MYO1F: variants seen among roughly 807,000 people sequenced by gnomAD.
The protein encoded by MYO1F is myosin IF.
A neutral mutation model predicts 146.6 loss-of-function variants in MYO1F; 60 were observed. The observed-to-expected ratio is 0.41, with a 90% CI of 0.33 to 0.51. MYO1F has a LOEUF of 0.51. Among genes scored for constraint, MYO1F ranks in the 20% least tolerant of loss-of-function variants. The pLI is 0.25. For synonymous variants in MYO1F, 602 were observed against 602.1 expected, an observed-to-expected ratio of 1.00 and a Z score of 0.00; for missense variants, 1,274 against 1,534.3, an observed-to-expected ratio of 0.83 and a Z score of 2.83.
In MYO1F at chr19:8,560,888, G is replaced by A. The variant is rs373675796; in HGVS notation, c.4-5092C>T. On this transcript the variant is annotated intron_variant, in intron 1 of 27. Coordinates refer to ENST00000644032, the MANE Select transcript of MYO1F (RefSeq NM_012335.4). ...CGAGTAGCTGGGACTACAGGCGCCC[G>A]CCACCACGGCGGCTAATTTTTTGTA... 6.6e-5 allele frequency among the ~76,000 whole-genome samples: 10 copies of A among 152,036 alleles called. No individual in the cohort carries two copies. The South Asian group carries it at 8.3e-4, about 13-fold the overall frequency.
At chr19:8,547,983 T>G in intron 12 of MYO1F, 53 bp downstream of exon 12, 1 of 1,371,034 alleles carries the variant, frequency 7.3e-7, no homozygotes, top group Non-Finnish European at 1.0e-6. Flanking sequence ...TCATGGTCCT[T>G]CCACCCCACC....
chr19:8,574,579 CTCTCTCTCTCTCTCTCT>C (rs1568380932), intron 1 of MYO1F, among the ~76,000 whole-genome samples: 2,314 of 88,830 alleles, frequency 0.026, 46 homozygotes, highest in East Asian at 0.039. Flanking sequence ...TTCTTTCTTT[CTCTCTCTCTCTCTCTCT>C]CTTTCTTTCT....
chr19:8,531,026 A>C (rs1972466155), intron 19 of MYO1F, among the ~76,000 whole-genome samples: 1 of 151,882 alleles, frequency 6.6e-6, no homozygotes, highest in African/African-American at 2.4e-5. Context: ...CCTGGACAAC[A>C]AGAGTGAAAC....
At chr19:8,543,988 TGGTGGTGCTGGTGGTGGC>T (rs1205107006) in intron 14 of MYO1F, 237 of 326,700 alleles carry the variant, frequency 7.3e-4, no homozygotes, top group South Asian at 4.2e-3. Flanking sequence ...CTGGTGCTGG[TGGTGGTGCTGGTGGTGGC>T]GGTGGCGGTG....
At chr19:8,551,105 G>T (rs1973587013) in intron 8 of MYO1F, among the ~76,000 whole-genome samples, 1 of 151,122 alleles carries the variant, frequency 6.6e-6, no homozygotes, top group Non-Finnish European at 1.5e-5. Flanking sequence ...AGGCGGGAGT[G>T]CAGCGGCGCT....
At chr19:8,550,856 T>G (rs548826363) in intron 8 of MYO1F, among the ~76,000 whole-genome samples, 162 bp from the exon 9 acceptor site, 57 of 152,280 alleles carry the variant, frequency 3.7e-4, no homozygotes, top group Middle Eastern at 3.4e-3. Context: ...GGTAAGTGCC[T>G]GCACCTCTCT....
At chr19:8,559,700 A>G (rs1209023764) in intron 1 of MYO1F, among the ~76,000 whole-genome samples, 1 of 152,122 alleles carries the variant, frequency 6.6e-6, no homozygotes, top group Non-Finnish European at 1.5e-5. Context: ...CTGCAATCCC[A>G]GCACTTTGGG....
intron 19 of MYO1F, among the ~76,000 whole-genome samples, chr19:8,533,994 C>T: frequency 6.6e-6 from 1 of 151,940 alleles, no homozygotes; most frequent in Non-Finnish European, 1.5e-5. Context: ...GCCTGGCCAA[C>T]AGGGTGAAAA....
rs377040493 is a variant in MYO1F at position 8,552,214 on chromosome 19, G to C, written c.505-50C>G. 232 of 1,609,588 alleles carry C rather than the reference G, an allele frequency of 1.4e-4. No homozygotes were observed. In the East Asian group the frequency reaches 4.2e-3, roughly 29 times the overall value. ...CACCCCAGTGTCCTGGGGTGCAGGTGGGGGAAGGGTTGGGGATGGGTCTTA... is the reference window on the plus strand; with the variant it reads ...CACCCCAGTGTCCTGGGGTGCAGGTCGGGGAAGGGTTGGGGATGGGTCTTA... On this transcript the variant is annotated intron_variant, in intron 6 of 27. Coordinates refer to ENST00000644032, the MANE Select transcript of MYO1F (RefSeq NM_012335.4).
intron 25 of MYO1F, among the ~76,000 whole-genome samples, chr19:8,524,446 G>A (rs1226662345): frequency 1.3e-5 from 2 of 148,408 alleles, no homozygotes; most frequent in African/African-American, 5.0e-5. Flanking sequence ...AAATCTAGGC[G>A]TGGTAGCACA....
intron 25 of MYO1F, among the ~76,000 whole-genome samples, chr19:8,523,419 T>C (rs538212503): frequency 2.0e-5 from 3 of 152,158 alleles, no homozygotes; most frequent in African/African-American, 2.4e-5. Context: ...CGTAGCTCAC[T>C]GCAACTCTGA....
intron 1 of MYO1F, among the ~76,000 whole-genome samples, chr19:8,575,181 A>AT (rs2042217392): frequency 6.7e-6 from 1 of 149,504 alleles, no homozygotes; most frequent in South Asian, 2.1e-4. Context: ...GGTTCAAGCG[A>AT]TTCTCCTGCC....
rs200369684 is a variant in MYO1F, at chr19:8,525,561, C to G, written c.2772G>C (p.Lys924Asn). 1.2e-6 allele frequency: 2 copies of G among 1,612,878 alleles called. No individual in the cohort carries two copies. The highest frequency in any genetic ancestry group is 1.7e-6 in the Non-Finnish European group (2 of 1,179,752). The change falls in exon 25 of 28, where the codon AAG becomes AAC. Residue 924 changes from lysine to asparagine, a missense_variant and splice_region_variant. Lys to Asn is a moderately conservative substitution (Grantham distance 94). This residue lies in a region of MYO1F where 374 missense variants were observed against 379.2 expected (regional missense o/e 0.99). Transcript: ENST00000644032. ...SVGDGLPKSS[K>N]PTRKGMAKGK... ...CCTTGGCCATTCCCTTCCGCGTAGG[C>G]TCTGAAAGAAGAGTGTCAGGGAGTT...
intron 12 of MYO1F, among the ~76,000 whole-genome samples, chr19:8,546,056 CTTTT>C (rs58638075): frequency 4.2e-5 from 4 of 94,942 alleles, no homozygotes; most frequent in African/African-American, 1.7e-4. Flanking sequence ...TATTTTGACT[CTTTT>C]TTTTTTTTTT....
At chr19:8,537,532 C>T (rs1348891948) in intron 16 of MYO1F, among the ~76,000 whole-genome samples, 1 of 152,146 alleles carries the variant, frequency 6.6e-6, no homozygotes, top group African/African-American at 2.4e-5. Flanking sequence ...ACCTCCACCA[C>T]CTGGATCCAA....
chr19:8,577,238 T>C lies in MYO1F; in HGVS notation c.3+69A>G. ...TCACCCCAATTTCTGATGGTCATTT[T>C]TAGGACACCTCCACCTGGCTGGTGT... On this transcript the variant is annotated intron_variant, in intron 1 of 27. Transcript: ENST00000644032. The surrounding 1 kb of genome is among the most constrained non-coding windows in gnomAD (Gnocchi z 4.3). 1.3e-6 allele frequency: 2 copies of C among 1,583,878 alleles called. No homozygotes were observed. The highest frequency in any genetic ancestry group is 1.1e-5 in the South Asian group (1 of 88,338).
At chr19:8,540,178 GGTTTTTTGGTTT>G (rs1435106264) in intron 15 of MYO1F, 150 bp from the exon 16 acceptor site, 5 of 609,018 alleles carry the variant, frequency 8.2e-6, no homozygotes, top group South Asian at 2.3e-5. Context: ...GCAGAGGGTT[GGTTTTTTGGTTT>G]GTTTTTTGAG....
Position 8,543,945 on chromosome 19 carries a change from GTGC to G in MYO1F, c.1524+349_1524+351del, listed in dbSNP as rs1397847678. The G allele has an allele frequency of 5.4e-5, 15 of 278,792 alleles. 1 individual carries two copies. Among genetic ancestry groups the G allele is most frequent in the African/African-American group, 2.3e-4 (6 of 26,020 alleles). The allele number at this position is 278,792 out of a possible 1,614,324, so 17.3% of individuals were successfully genotyped here. On this transcript the variant is annotated intron_variant, in intron 14 of 27. Coordinates refer to ENST00000644032, the MANE Select transcript of MYO1F (RefSeq NM_012335.4). ...GGTGGTGGTGGTGGTGGTGCTGGTG[GTGC>G]TGGTGGTGGTGGTGGTGGTGGTGCT...
chr19:8,522,936 C>T (rs1972120976), intron 25 of MYO1F, 107 bp from the exon 26 acceptor site: 1 of 995,174 alleles, frequency 1.0e-6, no homozygotes, highest in Non-Finnish European at 1.5e-6. Context: ...GCGACACTCT[C>T]AACCCAGTGT....
Sources: allele counts gnomAD v4.1 joint callset (sites outside exome capture counted in the v4.1 genomes callset), GRCh38; gene constraint gnomAD v4.1.1; regional missense constraint gnomAD v4.1.1; non-coding constraint Gnocchi (gnomAD v3.1); transcripts MANE v1.5; gene names NCBI Gene and HGNC (gene_info 2026-07-23, HGNC 2026-07-21).